Variants in CETN3 observed in about 807,000 individuals in gnomAD.
The protein encoded by CETN3 is centrin-3.
A neutral mutation model predicts 20.1 loss-of-function variants in CETN3; 17 were observed. The ratio of observed to expected loss-of-function variants is 0.85; its 90% CI spans 0.58 to 1.27. The LOEUF (loss-of-function observed/expected upper bound fraction) is 1.27. Ranked by LOEUF, CETN3 falls within the 50% of genes most tolerant of loss-of-function variation. The pLI is 0.00. For missense variants in CETN3, 169 were observed against 191.2 expected (o/e 0.88, Z 0.69); for synonymous variants, 52 against 59.7 (o/e 0.87, Z 0.59).
At chr5:90,403,520 TG>T (rs1266742689) in intron 3 of CETN3, among the ~76,000 whole-genome samples, 2 of 152,102 alleles carry the variant, frequency 1.3e-5, no homozygotes, top group African/African-American at 4.8e-5. Flanking sequence ...ATAGAACAGA[TG>T]GGGTGTCAGG....
In CETN3 at chr5:90,393,270, T is replaced by A. The variant is rs1263527988; in HGVS notation, c.*794A>T. On this transcript the variant is annotated 3_prime_UTR_variant, in exon 5 of 5. Coordinates refer to ENST00000283122, the MANE Select transcript of CETN3 (RefSeq NM_004365.4). ...GTTTTCTATTTTCATCACTGTGACATGTAATTGAGTGATAATTACCTTAAC... is the reference window on the plus strand; with the variant it reads ...GTTTTCTATTTTCATCACTGTGACAAGTAATTGAGTGATAATTACCTTAAC... The A allele has an allele frequency of 6.6e-6, 1 of 152,228 alleles. No homozygotes were observed. The highest frequency in any genetic ancestry group is 1.5e-5 in the Non-Finnish European group (1 of 68,038). The allele number at this position is 152,228 out of a possible 1,614,324, so 9.4% of individuals were successfully genotyped here.
Position 90,407,796 on chromosome 5 carries a change from C to CT in CETN3, c.55dup (p.Arg19LysfsTer6). The CT allele has an allele frequency of 3.1e-6, 5 of 1,601,590 alleles. No individual in the cohort carries two copies. Among genetic ancestry groups the CT allele is most frequent in the South Asian group, 2.3e-5 (2 of 88,490 alleles). ...TTTCTGTTCCTCAGACAGTTCTCTTCTTTTTTTCCTCTTTGTTTTGTCCAC... is the reference window on the plus strand; with the variant it reads ...TTTCTGTTCCTCAGACAGTTCTCTTCTTTTTTTTCCTCTTTGTTTTGTCCAC... On this transcript the variant is annotated frameshift_variant, in exon 2 of 5. Transcript: ENST00000283122. LOFTEE classifies it high-confidence loss of function.
At chr5:90,408,118 C>A (rs1018066375) in intron 1 of CETN3, among the ~76,000 whole-genome samples, 2 of 151,992 alleles carry the variant, frequency 1.3e-5, no homozygotes, top group Admixed American at 1.3e-4. Context: ...GTGGAAGAAA[C>A]AAGAACTGTG....
At chr5:90,402,111 C>T (rs1190370073) in intron 3 of CETN3, among the ~76,000 whole-genome samples, 1 of 152,212 alleles carries the variant, frequency 6.6e-6, no homozygotes, top group Non-Finnish European at 1.5e-5. Context: ...CTTGACCTCC[C>T]AAAGTGCTGG....
chr5:90,402,662 A>G (rs891716304), intron 3 of CETN3, among the ~76,000 whole-genome samples: 81 of 152,320 alleles, frequency 5.3e-4, no homozygotes, highest in African/African-American at 1.9e-3. Context: ...AGAGGGCCAT[A>G]AAGTCTCTAA....
chr5:90,405,736 A>C lies in CETN3; in HGVS notation c.217T>G (p.Tyr73Asp). The C allele has an allele frequency of 6.2e-7, 1 of 1,612,968 alleles. No individual in the cohort carries two copies. Among genetic ancestry groups the C allele is most frequent in the Non-Finnish European group, 8.5e-7 (1 of 1,179,332 alleles). ...ATTTTCCCTGTGGCTTCTCTGTCAT[A>C]ATCTTTAAGAATCTTCAGTACATCA... ...KADVLKILKD[Y>D]DREATGKITF... Residue 73 changes from tyrosine (Y) to aspartate (D), a missense_variant, in exon 3 of 5, where the codon TAT (tyrosine) becomes GAT (aspartate). Transcript: ENST00000283122.
At chr5:90,394,588 T>G (rs1749096851) in intron 4 of CETN3, among the ~76,000 whole-genome samples, 1 of 151,924 alleles carries the variant, frequency 6.6e-6, no homozygotes, top group Non-Finnish European at 1.5e-5. Context: ...GAAGTTAAAT[T>G]ATTATTTTTT....
At position 90,408,159 on chromosome 5, in the gene CETN3, T is replaced by G. The variant is rs1749511882; in HGVS notation, c.18-325A>C. On this transcript the variant is annotated intron_variant, in intron 1 of 4. Transcript: ENST00000283122. ...GCAACACTACTTTTATGTCTGAAAC[T>G]CCAACCAACTCCAACCAAAAAAACA... is the stretch of plus-strand genomic sequence containing the variant. Among the ~76,000 whole-genome samples, 3 of 152,012 alleles carry G rather than the reference T, an allele frequency of 2.0e-5. No individual in the cohort carries two copies. The South Asian group carries it at 6.2e-4, about 31-fold the overall frequency.
At chr5:90,408,508 C>A (rs1225757301) in intron 1 of CETN3, among the ~76,000 whole-genome samples, 1 of 152,056 alleles carries the variant, frequency 6.6e-6, no homozygotes, top group African/African-American at 2.4e-5. Flanking sequence ...GTGCTTCATT[C>A]TATATAAAAA....
intron 4 of CETN3, among the ~76,000 whole-genome samples, chr5:90,398,709 T>C (rs925932633): frequency 1.3e-5 from 2 of 152,222 alleles, no homozygotes; most frequent in South Asian, 2.1e-4. Flanking sequence ...CTTTACTCTG[T>C]AGGCACTGAA....
intron 2 of CETN3, among the ~76,000 whole-genome samples, chr5:90,406,899 T>C (rs1580165235): frequency 6.8e-6 from 1 of 147,466 alleles, no homozygotes; most frequent in African/African-American, 2.5e-5. Flanking sequence ...GACTGCAAGA[T>C]TGAGAAAGCT....
chr5:90,402,888 C>T (rs1419989579), intron 3 of CETN3, among the ~76,000 whole-genome samples: 1 of 152,206 alleles, frequency 6.6e-6, no homozygotes, highest in Non-Finnish European at 1.5e-5. Flanking sequence ...ATTAAGTCTT[C>T]TTCCCAACCC....
Position 90,403,181 on chromosome 5 carries a change from T to C in CETN3, c.268+2504A>G, listed in dbSNP as rs554301329. On this transcript the variant is annotated intron_variant, in intron 3 of 4. Transcript: ENST00000283122. Reference sequence around the variant, plus strand: ...TTAACTGCCAAACTTCATCCAGATATATCTGTGGAACAGTGTCCTTGGGTA... The same window carrying C: ...TTAACTGCCAAACTTCATCCAGATACATCTGTGGAACAGTGTCCTTGGGTA... 2.0e-5 allele frequency among the ~76,000 whole-genome samples: 3 copies of C among 152,318 alleles called. No individual in the cohort carries two copies. In the East Asian group the frequency reaches 5.8e-4, roughly 29 times the overall value.
At chr5:90,396,667 G>T in intron 4 of CETN3, 1 of 786,276 alleles carries the variant, frequency 1.3e-6, no homozygotes. Context: ...AATCCAAAAA[G>T]TACTTGTTAC....
intron 3 of CETN3, among the ~76,000 whole-genome samples, chr5:90,402,177 C>A (rs1346413158): frequency 1.3e-5 from 2 of 152,096 alleles, no homozygotes; most frequent in African/African-American, 2.4e-5. Context: ...AATGTATTTT[C>A]TTTTCACCCT....
intron 4 of CETN3, among the ~76,000 whole-genome samples, chr5:90,394,803 G>A (rs1183263939): frequency 6.6e-6 from 1 of 151,904 alleles, no homozygotes; most frequent in Non-Finnish European, 1.5e-5. Flanking sequence ...TATAAATATA[G>A]TAAGAATCTC....
chr5:90,397,273 A>T (rs1749156666), intron 4 of CETN3, among the ~76,000 whole-genome samples: 1 of 152,092 alleles, frequency 6.6e-6, no homozygotes, highest in African/African-American at 2.4e-5. Flanking sequence ...AATCTTCTAT[A>T]TCTCTGTGCA....
At chr5:90,405,484 G>C (rs1749412842) in intron 3 of CETN3, 1 of 524,144 alleles carries the variant, frequency 1.9e-6, no homozygotes, top group African/African-American at 2.0e-5. Context: ...CAAAACAAAA[G>C]ACAAAACTAT....
chr5:90,405,856 AATT>A, intron 2 of CETN3, 57 bp from the exon 3 acceptor site: 1 of 1,075,096 alleles, frequency 9.3e-7, no homozygotes, highest in Non-Finnish European at 1.4e-6. Flanking sequence ...AAGAATTTCT[AATT>A]ATTAAGTTTT....
Sources: allele counts gnomAD v4.1 joint callset (sites outside exome capture counted in the v4.1 genomes callset), GRCh38; gene constraint gnomAD v4.1.1; transcripts MANE v1.5; gene names NCBI Gene and HGNC (gene_info 2026-07-23, HGNC 2026-07-21).